The following JARID2 variants were observed in gnomAD, a reference collection of about 807,000 sequenced individuals.
The protein encoded by JARID2 is protein Jumonji.
In JARID2, 21 loss-of-function variants were observed where a neutral mutation model predicts 125.6. The ratio of observed to expected loss-of-function variants is 0.17; its 90% CI spans 0.12 to 0.24. The LOEUF is 0.24. Among genes scored for constraint, JARID2 ranks in the 10% least tolerant of loss-of-function variants. The probability of loss-of-function intolerance (pLI) is 1.00; values close to 1 mark genes in which losing one functional copy is unlikely to be tolerated. For missense variants in JARID2, 1,303 were observed against 1,639.6 expected (o/e 0.79, Z 3.55); for synonymous variants, 736 against 661.6 (o/e 1.11, Z -1.73).
intron 1 of JARID2, among the ~76,000 whole-genome samples, chr6:15,298,367 A>G (rs1387194139): frequency 6.6e-6 from 1 of 152,088 alleles, no homozygotes; most frequent in East Asian, 1.9e-4. Flanking sequence ...AAGAGCACTC[A>G]TTGCTACAGT....
chr6:15,346,963 T>C (rs1250320472), intron 1 of JARID2, among the ~76,000 whole-genome samples: 3 of 152,142 alleles, frequency 2.0e-5, no homozygotes, highest in Non-Finnish European at 4.4e-5. Flanking sequence ...CTCGAACTCC[T>C]GACCTTGTGA....
intron 1 of JARID2, among the ~76,000 whole-genome samples, chr6:15,339,814 C>A (rs1455647935): frequency 6.6e-6 from 1 of 152,130 alleles, no homozygotes; most frequent in Non-Finnish European, 1.5e-5. Context: ...GGATTACAGG[C>A]GTGAGCCACC....
chr6:15,247,629 A>G (rs1759235225), intron 1 of JARID2: 3 of 985,022 alleles, frequency 3.0e-6, no homozygotes, highest in Admixed American at 1.2e-4. Flanking sequence ...ATTGGTGTTA[A>G]TATTTTCCCT....
intron 1 of JARID2, among the ~76,000 whole-genome samples, chr6:15,354,320 A>T (rs1031364026): frequency 6.6e-6 from 1 of 152,240 alleles, no homozygotes; most frequent in South Asian, 2.1e-4. Context: ...GGATTCTCTC[A>T]GAGCTTGCAG....
rs1409682848 is a variant in JARID2, at chr6:15,509,441, C to T, written c.2846+987C>T. On this transcript the variant is annotated intron_variant, in intron 12 of 17. Coordinates refer to ENST00000341776, the MANE Select transcript of JARID2 (RefSeq NM_004973.4). ...ATTTTGGCTGTTCTGGTGAGTGGTG[C>T]TGTGGACATGAGGGAGCCCTCCCTT... 6.3e-6 allele frequency: 5 copies of T among 789,520 alleles called. No homozygotes were observed. In the East Asian group the frequency reaches 6.3e-4, roughly 100 times the overall value. The allele number at this position is 789,520 out of a possible 1,614,324, so 48.9% of individuals were successfully genotyped here.
At chr6:15,428,555 A>T (rs934668778) in intron 3 of JARID2, among the ~76,000 whole-genome samples, 1 of 152,158 alleles carries the variant, frequency 6.6e-6, no homozygotes, top group Non-Finnish European at 1.5e-5. Flanking sequence ...TTTGCTGAGA[A>T]TAATGGTTTC....
At chr6:15,251,984 T>C (rs1287857508) in intron 1 of JARID2, among the ~76,000 whole-genome samples, 1 of 151,990 alleles carries the variant, frequency 6.6e-6, no homozygotes, top group Non-Finnish European at 1.5e-5. Flanking sequence ...AGGCGGAGGT[T>C]GCAGTGAGCT....
intron 2 of JARID2, among the ~76,000 whole-genome samples, chr6:15,399,059 A>AT (rs1765322142): frequency 6.6e-6 from 1 of 152,178 alleles, no homozygotes; most frequent in Non-Finnish European, 1.5e-5. Context: ...CATCCCCCGA[A>AT]TGTCCTTTAA....
chr6:15,513,409 G>A lies in JARID2; in HGVS notation c.3437G>A (p.Cys1146Tyr). 6.2e-7 allele frequency: 1 copy of A among 1,607,458 alleles called. No individual in the cohort carries two copies. The highest frequency in any genetic ancestry group is 8.5e-7 in the Non-Finnish European group (1 of 1,176,030). ...AGGTGTCAGATCTGCCAGCACCTGTGCTACCTGTCCATGGTGAGCCCGCCT... is the reference window on the plus strand; with the variant it reads ...AGGTGTCAGATCTGCCAGCACCTGTACTACCTGTCCATGGTGAGCCCGCCT... ...ERRCQICQHL[C>Y]YLSMVVQENE... is the part of the protein sequence containing the mutation. Residue 1146 changes from cysteine (C) to tyrosine (Y), a missense_variant, in exon 16 of 18, where the codon TGC (cysteine) becomes TAC (tyrosine). Physicochemically the swap from Cys to Tyr is radical, Grantham distance 194 (BLOSUM62 -2). Around this residue, in one of 11 missense-constraint regions of JARID2, gnomAD observed 190 missense variants for 341.4 expected, o/e 0.56. Coordinates refer to ENST00000341776, the MANE Select transcript of JARID2 (RefSeq NM_004973.4).
At chr6:15,319,986 C>T (rs1762300967) in intron 1 of JARID2, among the ~76,000 whole-genome samples, 1 of 152,144 alleles carries the variant, frequency 6.6e-6, no homozygotes, top group Admixed American at 6.5e-5. Flanking sequence ...CAGCCATACG[C>T]TTGTTAGGGA....
Position 15,451,791 on chromosome 6 carries a change from C to A in JARID2, c.324-215C>A, listed in dbSNP as rs57288790. Reference sequence around the variant, plus strand: ...CATGTCCATGACACACATTTTATATCCATGTACAAAACATAGTCCTTTAAC... The same window carrying A: ...CATGTCCATGACACACATTTTATATACATGTACAAAACATAGTCCTTTAAC... On this transcript the variant is annotated intron_variant, in intron 3 of 17. Transcript: ENST00000341776. Among the ~76,000 whole-genome samples the A allele has an allele frequency of 7.2e-3, 1,090 of 152,250 alleles. 15 individuals are homozygous for A. Among genetic ancestry groups the A allele is most frequent in the African/African-American group, 0.025 (1,046 of 41,550 alleles).
intron 2 of JARID2, among the ~76,000 whole-genome samples, chr6:15,383,304 A>ATTT (rs34764204): frequency 6.9e-6 from 1 of 145,012 alleles, no homozygotes. Context: ...CCAGGTTGGG[A>ATTT]TTTTTTTTTT....
At chr6:15,290,362 T>C (rs1761160003) in intron 1 of JARID2, among the ~76,000 whole-genome samples, 1 of 152,228 alleles carries the variant, frequency 6.6e-6, no homozygotes, top group South Asian at 2.1e-4. Flanking sequence ...TTCAAGACTC[T>C]TTGTAGTCAT....
intron 3 of JARID2, among the ~76,000 whole-genome samples, chr6:15,441,001 T>A (rs539851618): frequency 6.6e-6 from 1 of 152,280 alleles, no homozygotes; most frequent in East Asian, 1.9e-4. Context: ...ATGATTAAGG[T>A]CCAGGCAACT....
intron 1 of JARID2, among the ~76,000 whole-genome samples, chr6:15,370,405 C>T (rs897893093): frequency 6.8e-6 from 1 of 147,696 alleles, no homozygotes; most frequent in African/African-American, 2.5e-5. Context: ...GATCTCTGCA[C>T]ACGATCACTG....
intron 1 of JARID2, among the ~76,000 whole-genome samples, chr6:15,373,643 G>A (rs574448398): frequency 1.2e-4 from 18 of 152,310 alleles, no homozygotes; most frequent in Admixed American, 1.0e-3. Context: ...TGAATGCACA[G>A]CACCCATATC....
At chr6:15,513,496 G>A in intron 16 of JARID2, 74 bp downstream of exon 16, 2 of 1,397,098 alleles carry the variant, frequency 1.4e-6, no homozygotes, top group Admixed American at 4.5e-5. Context: ...GCCCCCAGAA[G>A]AGGGAGGGCG....
intron 1 of JARID2, among the ~76,000 whole-genome samples, chr6:15,310,825 TA>T (rs894640188): frequency 1.3e-5 from 2 of 152,156 alleles, no homozygotes; most frequent in African/African-American, 2.4e-5. Context: ...GGATGACTTG[TA>T]AATAATTTCG....
At chr6:15,479,357 T>C (rs1769503694) in intron 5 of JARID2, among the ~76,000 whole-genome samples, 1 of 152,212 alleles carries the variant, frequency 6.6e-6, no homozygotes, top group African/African-American at 2.4e-5. Flanking sequence ...ATAAAAGTCT[T>C]TTAATTTTAG....
Sources: allele counts gnomAD v4.1 joint callset (sites outside exome capture counted in the v4.1 genomes callset), GRCh38; gene constraint gnomAD v4.1.1; regional missense constraint gnomAD v4.1.1; transcripts MANE v1.5; gene names NCBI Gene and HGNC (gene_info 2026-07-23, HGNC 2026-07-21).